Variants in LINC00632 observed in about 807,000 individuals in gnomAD.
LINC00632 encodes long independently transcribed non-coding RNA 632.
At chrX:140,744,587 G>T in intron 3 of LINC00632, among the ~76,000 whole-genome samples, 1 of 79,449 alleles carries the variant, frequency 1.3e-5, no homozygotes, top group Non-Finnish European at 2.5e-5. Flanking sequence ...GGTGGGGGGA[G>T]GAGATGGAGT....
chrX:140,737,306 TTTC>T (rs1302144296), intron 3 of LINC00632, among the ~76,000 whole-genome samples: 2 of 112,190 alleles, frequency 1.8e-5, no homozygotes, highest in African/African-American at 3.2e-5. Context: ...AATTACATAA[TTTC>T]TTATTTAATT....
At chrX:140,745,544 A>G (rs1446415862) in intron 3 of LINC00632, among the ~76,000 whole-genome samples, 1 of 111,018 alleles carries the variant, frequency 9.0e-6, no homozygotes, top group Non-Finnish European at 1.9e-5. Flanking sequence ...TCATTTCTCT[A>G]TTGACCACAT....
intron 3 of LINC00632, among the ~76,000 whole-genome samples, chrX:140,764,175 C>A (rs1931644437): frequency 9.0e-6 from 1 of 110,641 alleles, no homozygotes; most frequent in Non-Finnish European, 1.9e-5. Context: ...CTTTTCACGA[C>A]AGATATTGAA....
At chrX:140,783,678 G>C in exon 5 of LINC00632, 1 of 1,211,100 alleles carries the variant, frequency 8.3e-7, no homozygotes, top group East Asian at 3.0e-5. Context: ...GTCAGTCAGT[G>C]TCTTCCAGAA....
In LINC00632 at chrX:140,724,480, C is replaced by CACACACACACATTCCAT. The variant is rs1569348758; in HGVS notation, n.105-9371_105-9355dup. ...CACACAGAGGCATATTCCATACATA[C>CACACACACACATTCCAT]ACACACACACATTCCATACACACAC... On this transcript the variant is annotated intron_variant and non_coding_transcript_variant, in intron 2 of 4. Coordinates refer to ENST00000648200, the Ensembl canonical transcript of LINC00632. 6.2e-3 allele frequency among the ~76,000 whole-genome samples: 329 copies of CACACACACACATTCCAT among 52,922 alleles called. 2 individuals carry two copies. Among genetic ancestry groups the CACACACACACATTCCAT allele is most frequent in the African/African-American group, 0.02 (312 of 15,797 alleles). The allele number at this position is 52,922 out of a possible 115,157, so 46.0% of individuals were successfully genotyped here. A position where few individuals can be genotyped will look rare whatever the true frequency, so the allele number is the denominator to read the frequency against.
chrX:140,744,836 G>A (rs1263133560), intron 3 of LINC00632, among the ~76,000 whole-genome samples: 1 of 110,275 alleles, frequency 9.1e-6, no homozygotes, highest in Non-Finnish European at 1.9e-5. Flanking sequence ...CCCCAACCCG[G>A]CCTCCCAAAG....
intron 3 of LINC00632, among the ~76,000 whole-genome samples, chrX:140,754,830 T>C (rs1238254827): frequency 2.1e-5 from 2 of 95,132 alleles, no homozygotes; most frequent in Non-Finnish European, 4.4e-5. Context: ...TGATTTCTGA[T>C]AGCATAGGCT....
intron 3 of LINC00632, among the ~76,000 whole-genome samples, chrX:140,769,461 G>T (rs183936546): frequency 1.8e-5 from 2 of 109,493 alleles, no homozygotes; most frequent in Non-Finnish European, 3.8e-5. Context: ...AATAAAATTC[G>T]GTTTTTTCTC....
chrX:140,728,559 G>A (rs945671859), intron 2 of LINC00632, among the ~76,000 whole-genome samples: 2 of 110,714 alleles, frequency 1.8e-5, no homozygotes, highest in African/African-American at 6.6e-5. Flanking sequence ...CTTTTACAAT[G>A]CAGCCTCACC....
At chrX:140,731,461 C>G (rs939668790) in intron 2 of LINC00632, among the ~76,000 whole-genome samples, 3 of 111,326 alleles carry the variant, frequency 2.7e-5, no homozygotes, top group African/African-American at 6.5e-5. Flanking sequence ...GTTTTGAATT[C>G]TGTCTCTGCC....
intron 2 of LINC00632, among the ~76,000 whole-genome samples, chrX:140,732,684 A>G (rs192272502): frequency 1.2e-4 from 13 of 111,889 alleles, no homozygotes; most frequent in Admixed American, 1.9e-4. Context: ...ACGCACAGAC[A>G]TTAGAGACAC....
At chrX:140,712,226 G>C (rs1479752288) in intron 2 of LINC00632, 1 of 109,371 alleles carries the variant, frequency 9.1e-6, no homozygotes, top group African/African-American at 3.3e-5. Context: ...ATTTTAAACA[G>C]GATTTTTTTT....
At chrX:140,747,803 G>C (rs1438294240) in intron 3 of LINC00632, among the ~76,000 whole-genome samples, 1 of 111,332 alleles carries the variant, frequency 9.0e-6, no homozygotes, top group Non-Finnish European at 1.9e-5. Flanking sequence ...TCCCATCCCT[G>C]CCCTGGACTC....
chrX:140,736,517 A>G (rs1275775260), intron 3 of LINC00632, among the ~76,000 whole-genome samples: 1 of 96,392 alleles, frequency 1.0e-5, no homozygotes, highest in Non-Finnish European at 2.1e-5. Context: ...GCTCACTGCA[A>G]CCTCCCCCTC....
chrX:140,725,128 C>G (rs958876591), intron 2 of LINC00632, among the ~76,000 whole-genome samples: 6 of 63,820 alleles, frequency 9.4e-5, no homozygotes, highest in African/African-American at 3.4e-4. Flanking sequence ...CACACACATT[C>G]CATACACACA....
chrX:140,755,803 G>A (rs895686027), intron 3 of LINC00632, among the ~76,000 whole-genome samples: 3 of 110,732 alleles, frequency 2.7e-5, no homozygotes, highest in African/African-American at 9.9e-5. Context: ...GACATTGATG[G>A]GAAGCTGGGA....
At chrX:140,774,921 T>C (rs1931853446) in exon 5 of LINC00632, among the ~76,000 whole-genome samples, 4 of 111,762 alleles carry the variant, frequency 3.6e-5, no homozygotes, top group Admixed American at 2.9e-4. Flanking sequence ...TTTGATTTTG[T>C]ACTCCTGAAA....
At chrX:140,732,712 G>T (rs1261188973) in intron 2 of LINC00632, among the ~76,000 whole-genome samples, 2 of 110,567 alleles carry the variant, frequency 1.8e-5, no homozygotes, top group Non-Finnish European at 3.8e-5. Flanking sequence ...TTATACATAT[G>T]AAAAGCAGAG....
intron 3 of LINC00632, among the ~76,000 whole-genome samples, chrX:140,764,019 AG>A (rs996995330): frequency 6.3e-5 from 7 of 110,814 alleles, no homozygotes; most frequent in African/African-American, 2.3e-4. Flanking sequence ...CTCCTCTGAA[AG>A]CTTTTTTATA....
Sources: allele counts gnomAD v4.1 joint callset (sites outside exome capture counted in the v4.1 genomes callset), GRCh38; gene constraint gnomAD v4.1.1; transcripts MANE v1.5; gene names NCBI Gene and HGNC (gene_info 2026-07-23, HGNC 2026-07-21).